Variants in TMEM135 observed in about 807,000 individuals in gnomAD.
TMEM135 encodes the protein transmembrane protein 135, also known as peroxisomal membrane protein 52.
TMEM135 carries 30 observed loss-of-function variants against 60.3 expected under a neutral mutation model. That is an observed-to-expected ratio of 0.50 (90% CI 0.37 to 0.68). The LOEUF is 0.68. Among genes scored for constraint, TMEM135 ranks in the 30% least tolerant of loss-of-function variants. TMEM135 has a pLI of 0.00. For missense variants in TMEM135, 468 were observed against 548.8 expected (o/e 0.85, Z 1.47); for synonymous variants, 190 against 186.7 (o/e 1.02, Z -0.14).
At chr11:87,071,449 G>C in intron 2 of TMEM135, 74 bp from the exon 3 acceptor site, 1 of 1,132,800 alleles carries the variant, frequency 8.8e-7, no homozygotes, top group Non-Finnish European at 1.3e-6. Flanking sequence ...GGATGGAGAA[G>C]GGAAACTTCT....
intron 4 of TMEM135, among the ~76,000 whole-genome samples, chr11:87,131,389 G>A (rs1023094967): frequency 4.7e-5 from 6 of 127,136 alleles, no homozygotes; most frequent in Non-Finnish European, 1.0e-4. Context: ...GCCTTTTTCA[G>A]AATGGGAGAA....
chr11:87,072,093 T>A (rs1258895283), intron 3 of TMEM135, among the ~76,000 whole-genome samples: 1 of 152,132 alleles, frequency 6.6e-6, no homozygotes, highest in Non-Finnish European at 1.5e-5. Flanking sequence ...CTCAGGAAGC[T>A]GAGGTGGGAG....
At chr11:87,186,960 G>A (rs1052106134) in intron 5 of TMEM135, among the ~76,000 whole-genome samples, 1 of 152,176 alleles carries the variant, frequency 6.6e-6, no homozygotes, top group Non-Finnish European at 1.5e-5. Flanking sequence ...TATAATTATT[G>A]TGTAGTTAAT....
chr11:87,206,714 C>T (rs933636903), intron 5 of TMEM135, among the ~76,000 whole-genome samples: 3 of 152,160 alleles, frequency 2.0e-5, no homozygotes, highest in Admixed American at 1.3e-4. Flanking sequence ...AATATTTAAA[C>T]GTATTTTGAC....
chr11:87,220,773 A>G (rs1407444784), intron 5 of TMEM135, among the ~76,000 whole-genome samples: 1 of 152,220 alleles, frequency 6.6e-6, no homozygotes, highest in Non-Finnish European at 1.5e-5. Context: ...GATAAGAGGT[A>G]TGCCTATAAC....
intron 5 of TMEM135, among the ~76,000 whole-genome samples, chr11:87,202,727 CT>C (rs1465991648): frequency 7.7e-6 from 1 of 129,896 alleles, no homozygotes; most frequent in Non-Finnish European, 1.7e-5. Flanking sequence ...TTTTAAAAGA[CT>C]TTAAAAAAAA....
At chr11:87,172,422 G>GTT (rs529590902) in intron 5 of TMEM135, among the ~76,000 whole-genome samples, 17 of 145,536 alleles carry the variant, frequency 1.2e-4, no homozygotes, top group South Asian at 2.2e-4. Context: ...AGAAAAGTAG[G>GTT]TTTTTTTTTT....
chr11:87,145,039 A>C (rs1183649758), intron 4 of TMEM135, among the ~76,000 whole-genome samples: 2 of 152,186 alleles, frequency 1.3e-5, no homozygotes, highest in African/African-American at 4.8e-5. Context: ...GTAGTGCAAT[A>C]GTACTCAAAA....
At chr11:87,101,554 C>T (rs932339444) in intron 4 of TMEM135, among the ~76,000 whole-genome samples, 6 of 152,142 alleles carry the variant, frequency 3.9e-5, no homozygotes, top group African/African-American at 1.2e-4. Flanking sequence ...ACAGTATCTA[C>T]GTTTTAATTG....
In TMEM135 at chr11:87,093,092, T is replaced by C. The variant is rs190274313; in HGVS notation, c.396+1697T>C. 2.0e-3 allele frequency among the ~76,000 whole-genome samples: 300 copies of C among 152,332 alleles called. 2 individuals are homozygous for C. Among genetic ancestry groups the C allele is most frequent in the African/African-American group, 6.5e-3 (272 of 41,572 alleles). ...GAGATACATGTTAAACATTGTTATGTCCCTCTTCATATTTTCTTAATCACT... is the reference window on the plus strand; with the variant it reads ...GAGATACATGTTAAACATTGTTATGCCCCTCTTCATATTTTCTTAATCACT... On this transcript the variant is annotated intron_variant, in intron 4 of 14. Transcript: ENST00000305494.
chr11:87,106,221 A>T (rs1857592312), intron 4 of TMEM135, among the ~76,000 whole-genome samples: 1 of 151,778 alleles, frequency 6.6e-6, no homozygotes, highest in Admixed American at 6.6e-5. Flanking sequence ...CTCCTGCCTC[A>T]GCCTCCTGAG....
intron 4 of TMEM135, among the ~76,000 whole-genome samples, chr11:87,150,215 CAAAAAAAAAA>C (rs200067307): frequency 1.8e-5 from 2 of 109,908 alleles, no homozygotes; most frequent in South Asian, 2.9e-4. Flanking sequence ...AACTCTGTCT[CAAAAAAAAAA>C]AAAAAAAAAA....
At chr11:87,105,327 G>C (rs1234198878) in intron 4 of TMEM135, among the ~76,000 whole-genome samples, 1 of 152,188 alleles carries the variant, frequency 6.6e-6, no homozygotes, top group Non-Finnish European at 1.5e-5. Flanking sequence ...AGCGGCATTA[G>C]ATTCTCATAG....
At chr11:87,119,773 A>C (rs1008248975) in intron 4 of TMEM135, among the ~76,000 whole-genome samples, 16 of 152,222 alleles carry the variant, frequency 1.1e-4, no homozygotes, top group African/African-American at 3.6e-4. Flanking sequence ...AAAGTTTGAA[A>C]TGTTAGGAGA....
At chr11:87,099,114 C>CAA (rs1367295707) in intron 4 of TMEM135, among the ~76,000 whole-genome samples, 1 of 152,150 alleles carries the variant, frequency 6.6e-6, no homozygotes, top group East Asian at 1.9e-4. Flanking sequence ...TTTAGACACT[C>CAA]ACATGCTTTT....
intron 6 of TMEM135, among the ~76,000 whole-genome samples, chr11:87,288,323 A>C (rs1306262857): frequency 2.0e-5 from 3 of 152,212 alleles, no homozygotes; most frequent in Non-Finnish European, 4.4e-5. Context: ...CTATCCCAGT[A>C]GTTGGTCTTG....
chr11:87,220,915 T>C (rs1940605077), intron 5 of TMEM135, among the ~76,000 whole-genome samples: 1 of 152,164 alleles, frequency 6.6e-6, no homozygotes, highest in Non-Finnish European at 1.5e-5. Flanking sequence ...TATACATCCA[T>C]GTTACTGCTA....
chr11:87,272,660 G>T (rs900787828), intron 6 of TMEM135, among the ~76,000 whole-genome samples: 2 of 151,854 alleles, frequency 1.3e-5, no homozygotes, highest in Admixed American at 6.6e-5. Flanking sequence ...ATGAGGTCTT[G>T]CTCTGTTGCT....
chr11:87,131,116 G>C (rs1018572035), intron 4 of TMEM135, among the ~76,000 whole-genome samples: 4 of 152,028 alleles, frequency 2.6e-5, no homozygotes, highest in African/African-American at 9.7e-5. Flanking sequence ...GGAAAGTACA[G>C]AGAGTTCTCA....
Sources: allele counts gnomAD v4.1 joint callset (sites outside exome capture counted in the v4.1 genomes callset), GRCh38; gene constraint gnomAD v4.1.1; transcripts MANE v1.5; gene names NCBI Gene and HGNC (gene_info 2026-07-23, HGNC 2026-07-21).